The following KCNMB2 variants were observed in gnomAD, a reference collection of about 807,000 sequenced individuals.
The protein encoded by KCNMB2 is potassium calcium-activated channel subfamily M regulatory beta subunit 2.
KCNMB2 carries 9 observed loss-of-function variants against 24.5 expected under a neutral mutation model. That is an observed-to-expected ratio of 0.37 (90% confidence interval 0.22 to 0.64). KCNMB2 has a LOEUF of 0.64. Ranked by LOEUF, KCNMB2 falls within the 30% of genes least tolerant of loss-of-function variation. The probability of loss-of-function intolerance (pLI) is 0.63; values close to 1 mark genes in which losing one functional copy is unlikely to be tolerated. For synonymous variants in KCNMB2, 109 were observed against 104.4 expected, an observed-to-expected ratio of 1.04 and a Z score of -0.27; for missense variants, 226 against 284.3, an observed-to-expected ratio of 0.79 and a Z score of 1.47.
chr3:178,805,197 T>C (rs1713917179), intron 1 of KCNMB2, among the ~76,000 whole-genome samples: 2 of 152,210 alleles, frequency 1.3e-5, no homozygotes, highest in African/African-American at 4.8e-5. Context: ...GCCTCTGTTC[T>C]ACCTCCCACA....
intron 1 of KCNMB2, among the ~76,000 whole-genome samples, chr3:178,590,419 T>C (rs1225539278): frequency 6.6e-6 from 1 of 152,218 alleles, no homozygotes; most frequent in Non-Finnish European, 1.5e-5. Context: ...ATTTCAAAAA[T>C]TTTTACTTTT....
chr3:178,669,485 A>G (rs4990401), intron 1 of KCNMB2, among the ~76,000 whole-genome samples: 55,271 of 151,912 alleles, frequency 0.36, 10,204 homozygotes, highest in Middle Eastern at 0.51. Context: ...ACTGCAGTGA[A>G]CATGTAGGGG....
chr3:178,540,736 A>G (rs1273604862), intron 1 of KCNMB2, among the ~76,000 whole-genome samples: 1 of 152,156 alleles, frequency 6.6e-6, no homozygotes, highest in Non-Finnish European at 1.5e-5. Context: ...ACTTCCCTGA[A>G]AACACCTTTC....
intron 2 of KCNMB2, 128 bp downstream of exon 2, chr3:178,807,593 C>T: frequency 1.4e-6 from 1 of 728,448 alleles, no homozygotes; most frequent in Non-Finnish European, 2.3e-6. Context: ...CTCTACAGTA[C>T]AGGAGTAGGG....
intron 1 of KCNMB2, among the ~76,000 whole-genome samples, chr3:178,554,001 T>G (rs978051023): frequency 2.6e-5 from 4 of 152,214 alleles, no homozygotes; most frequent in Non-Finnish European, 5.9e-5. Flanking sequence ...TTAAAATTAT[T>G]AATAGCTAAC....
chr3:178,566,380 T>C (rs1327773994), intron 1 of KCNMB2, among the ~76,000 whole-genome samples: 1 of 152,186 alleles, frequency 6.6e-6, no homozygotes, highest in East Asian at 1.9e-4. Flanking sequence ...TCTCAGCACT[T>C]GAGTGGCAGT....
chr3:178,739,134 G>A (rs921021418), intron 1 of KCNMB2, among the ~76,000 whole-genome samples: 1 of 151,252 alleles, frequency 6.6e-6, no homozygotes, highest in Non-Finnish European at 1.5e-5. Context: ...TCAGCAGGAG[G>A]TAGAAAGAGC....
chr3:178,797,918 A>T (rs986195514), intron 1 of KCNMB2, among the ~76,000 whole-genome samples: 2 of 150,342 alleles, frequency 1.3e-5, no homozygotes, highest in East Asian at 3.9e-4. Flanking sequence ...GAGTTCATTT[A>T]TGATTTGGCT....
chr3:178,608,212 T>C (rs1718347581), intron 1 of KCNMB2, among the ~76,000 whole-genome samples: 1 of 152,166 alleles, frequency 6.6e-6, no homozygotes, highest in Admixed American at 6.5e-5. Flanking sequence ...TTTTAACCCA[T>C]GAAGGAAAGT....
At chr3:178,833,312 C>A (rs1170526189) in intron 4 of KCNMB2, among the ~76,000 whole-genome samples, 1 of 152,126 alleles carries the variant, frequency 6.6e-6, no homozygotes, top group Admixed American at 6.6e-5. Context: ...CAGTTAGCCT[C>A]CTGGGCTCTC....
At chr3:178,791,270 C>T (rs1713313279) in intron 1 of KCNMB2, among the ~76,000 whole-genome samples, 1 of 152,100 alleles carries the variant, frequency 6.6e-6, no homozygotes, top group Non-Finnish European at 1.5e-5. Context: ...TTAAATTTAA[C>T]AAAGAGATTG....
At chr3:178,637,699 T>G (rs1560142630) in intron 1 of KCNMB2, among the ~76,000 whole-genome samples, 1 of 152,108 alleles carries the variant, frequency 6.6e-6, no homozygotes. Flanking sequence ...AACAAACTCA[T>G]GGGGCAAACC....
chr3:178,601,829 G>A (rs1401866048), intron 1 of KCNMB2, among the ~76,000 whole-genome samples: 4 of 152,154 alleles, frequency 2.6e-5, no homozygotes, highest in South Asian at 2.1e-4. Context: ...GCACTCTCAG[G>A]CAATTAGCTG....
intron 1 of KCNMB2, among the ~76,000 whole-genome samples, chr3:178,644,284 G>A (rs1215282021): frequency 6.6e-6 from 1 of 152,248 alleles, no homozygotes; most frequent in African/African-American, 2.4e-5. Flanking sequence ...CAAAGGCACT[G>A]AGAGAGCACA....
intron 1 of KCNMB2, among the ~76,000 whole-genome samples, chr3:178,641,336 T>C (rs775253886): frequency 5.3e-5 from 8 of 152,156 alleles, no homozygotes; most frequent in Non-Finnish European, 7.4e-5. Flanking sequence ...GGGATATCTC[T>C]ACATTTATTT....
At chr3:178,662,750 T>C (rs1055517333) in intron 1 of KCNMB2, among the ~76,000 whole-genome samples, 2 of 152,132 alleles carry the variant, frequency 1.3e-5, no homozygotes. Flanking sequence ...ATTCCTGATA[T>C]AAAATATAAT....
intron 1 of KCNMB2, among the ~76,000 whole-genome samples, chr3:178,671,714 G>T (rs186066395): frequency 2.9e-4 from 44 of 152,250 alleles, no homozygotes; most frequent in African/African-American, 9.9e-4. Flanking sequence ...GTCTGTCCTT[G>T]CTTCCCTGAA....
intron 1 of KCNMB2, among the ~76,000 whole-genome samples, chr3:178,563,406 T>TGA (rs1716394590): frequency 6.6e-6 from 1 of 152,098 alleles, no homozygotes; most frequent in Non-Finnish European, 1.5e-5. Flanking sequence ...CAAACATTCA[T>TGA]GAGATGGTTA....
At chr3:178,838,929 T>G (rs1175908300) in intron 4 of KCNMB2, among the ~76,000 whole-genome samples, 1 of 152,228 alleles carries the variant, frequency 6.6e-6, no homozygotes, top group African/African-American at 2.4e-5. Context: ...TTTATTAGGA[T>G]AATTTTCCAA....
Sources: gnomAD v4.1 joint callset for allele counts (sites outside exome capture counted in the v4.1 genomes callset) on GRCh38, gnomAD v4.1.1 for gene constraint, MANE v1.5 for transcripts, NCBI Gene and HGNC (gene_info 2026-07-23, HGNC 2026-07-21) for gene names.